ATP11A: variants seen among roughly 807,000 people sequenced by gnomAD.
ATP11A encodes ATPase phospholipid transporting 11A, also known as phospholipid-transporting ATPase IH.
ATP11A carries 81 observed loss-of-function variants against 154.4 expected under a neutral mutation model. That is an observed-to-expected ratio of 0.52 (90% CI 0.44 to 0.63). ATP11A has a LOEUF of 0.63. Among genes scored for constraint, ATP11A ranks in the 30% least tolerant of loss-of-function variants. The pLI is 0.00. For missense variants in ATP11A, 1,316 were observed against 1,474.3 expected (o/e 0.89, Z 1.76); for synonymous variants, 623 against 585.9 (o/e 1.06, Z -0.91).
At chr13:112,728,458 G>A (rs181037252) in intron 1 of ATP11A, among the ~76,000 whole-genome samples, 12 of 147,240 alleles carry the variant, frequency 8.1e-5, no homozygotes, top group East Asian at 8.1e-4. Flanking sequence ...TGGAGGGGCC[G>A]TGAGACCGTG....
intron 1 of ATP11A, among the ~76,000 whole-genome samples, chr13:112,759,462 C>G (rs761202004): frequency 2.0e-5 from 3 of 152,210 alleles, no homozygotes; most frequent in African/African-American, 7.2e-5. Flanking sequence ...AACAATAGCG[C>G]GTGGACACAT....
chr13:112,808,246 G>C (rs143020405), intron 4 of ATP11A, among the ~76,000 whole-genome samples: 35 of 152,106 alleles, frequency 2.3e-4, no homozygotes, highest in Middle Eastern at 3.4e-3. Context: ...CCCTGGCTGT[G>C]TCCCCTCCCA....
chr13:112,778,628 TGAGTAGCCGCTGGAGTGAG>T (rs1276351243), intron 1 of ATP11A, among the ~76,000 whole-genome samples: 9 of 99,246 alleles, frequency 9.1e-5, no homozygotes, highest in African/African-American at 2.6e-4. Context: ...GCCACTGGAG[TGAGTAGCCGCTGGAGTGAG>T]GAGTAGCCGC....
In ATP11A at chr13:112,876,013, G is replaced by C. The variant is rs2080713728; in HGVS notation, c.3327+72G>C. On this transcript the variant is annotated intron_variant, in intron 28 of 29. Transcript: ENST00000375645. ...CTTAGGATTGGGAGATGACCGTTTTGAAAGACAGTGTGAAAGGTTTGGATT... is the reference window on the plus strand; with the variant it reads ...CTTAGGATTGGGAGATGACCGTTTTCAAAGACAGTGTGAAAGGTTTGGATT... 2.0e-6 allele frequency: 3 copies of C among 1,514,762 alleles called. No individual in the cohort carries two copies. The Admixed American group carries it at 5.5e-5, about 28-fold the overall frequency. The allele number at this position is 1,514,762 out of a possible 1,614,324, so 93.8% of individuals were successfully genotyped here. A position where few individuals can be genotyped will look rare whatever the true frequency, so the allele number is the denominator to read the frequency against.
At chr13:112,791,520 G>C (rs1002208436) in intron 2 of ATP11A, among the ~76,000 whole-genome samples, 6 of 152,248 alleles carry the variant, frequency 3.9e-5, no homozygotes, top group Non-Finnish European at 8.8e-5. Flanking sequence ...CCTGGCAGGG[G>C]CTGGCGGGAA....
intron 6 of ATP11A, among the ~76,000 whole-genome samples, chr13:112,818,261 GGGCGATGACCGTTGGTGCGCTTGGTGACA>G (rs1476003690): frequency 3.2e-4 from 48 of 150,638 alleles, no homozygotes; most frequent in Middle Eastern, 3.4e-3. Context: ...CTTGGTGACG[GGGCGATGACCGTTGGTGCGCTTGGTGACA>G]GGCGATGACC....
chr13:112,736,173 A>G (rs1890986279), intron 1 of ATP11A, among the ~76,000 whole-genome samples: 1 of 152,244 alleles, frequency 6.6e-6, no homozygotes, highest in South Asian at 2.1e-4. Context: ...GCCCTGATCC[A>G]ACCACACTGT....
In ATP11A at chr13:112,748,197, T is replaced by C. The variant is rs370324838; in HGVS notation, c.40-36938T>C. On this transcript the variant is annotated intron_variant, in intron 1 of 29. Transcript: ENST00000375645. The stretch of plus-strand genomic sequence containing the variant: ...AATGTCCCAAAATCCAAAGCACATC[T>C]GGTCCCAAGCATTTTGGATAAGGGC... Among the ~76,000 whole-genome samples the C allele has an allele frequency of 2.6e-5, 4 of 152,226 alleles. No homozygotes were observed. In the South Asian group the frequency reaches 6.2e-4, roughly 24 times the overall value.
intron 17 of ATP11A, among the ~76,000 whole-genome samples, chr13:112,844,054 A>T (rs546442736): frequency 7.9e-5 from 12 of 152,180 alleles, no homozygotes; most frequent in Non-Finnish European, 1.3e-4. Flanking sequence ...GAGCCTCAGT[A>T]CAGGGGCGTG....
intron 1 of ATP11A, among the ~76,000 whole-genome samples, chr13:112,710,381 C>T (rs1487498047): frequency 2.0e-5 from 3 of 152,218 alleles, no homozygotes; most frequent in South Asian, 2.1e-4. Context: ...TGTTTCCCGA[C>T]AGGATGTGAC....
intron 4 of ATP11A, among the ~76,000 whole-genome samples, chr13:112,809,656 A>C (rs976461791): frequency 6.6e-6 from 1 of 152,018 alleles, no homozygotes; most frequent in Non-Finnish European, 1.5e-5. Flanking sequence ...CACTCATTAG[A>C]TGCGGTGGAC....
Position 112,833,003 on chromosome 13 carries a change from G to A in ATP11A, c.1539G>A (p.Ala513=), listed in dbSNP as rs774494260. ...VYISSSPDEV[A]LVEGVQRLGF... ...TCTCATCCTCGCCCGACGAGGTGGC[G>A]CTGGTCGAAGGTGTCCAGAGGTACG... Residue 513 remains alanine (A), a synonymous_variant, in exon 14 of 30, where the codon GCG becomes GCA. Transcript: ENST00000375645. 31 of 1,612,864 alleles carry A rather than the reference G, an allele frequency of 1.9e-5. No homozygotes were observed. Among genetic ancestry groups the A allele is most frequent in the African/African-American group, 8.0e-5 (6 of 74,902 alleles).
intron 1 of ATP11A, among the ~76,000 whole-genome samples, chr13:112,726,384 T>C (rs1889894232): frequency 2.0e-5 from 3 of 151,774 alleles, no homozygotes; most frequent in Admixed American, 6.6e-5. Flanking sequence ...AAACACAGTC[T>C]GCATGCAGGG....
intron 17 of ATP11A, among the ~76,000 whole-genome samples, chr13:112,846,601 T>G (rs1377010762): frequency 6.6e-6 from 1 of 152,144 alleles, no homozygotes; most frequent in East Asian, 1.9e-4. Flanking sequence ...TAAATCCTCC[T>G]CGCTAACTGC....
intron 29 of ATP11A, chr13:112,878,574 C>G: frequency 1.9e-6 from 1 of 534,144 alleles, no homozygotes; most frequent in Middle Eastern, 5.1e-4. Flanking sequence ...GGTTCAGACA[C>G]AGCTGACAGC....
Position 112,785,176 on chromosome 13 carries a change from C to T in ATP11A, c.81C>T (p.Tyr27=), listed in dbSNP as rs779282744. The change falls in exon 2 of 30, where the codon TAC becomes TAT. Residue 27 remains tyrosine (Y), a synonymous_variant. Coordinates refer to ENST00000375645, the MANE Select transcript of ATP11A (RefSeq NM_015205.3). This position sits in a 1 kb window ranked among gnomAD's most constrained non-coding sequence, Gnocchi z 4.8. ...EENWVDSRTI[Y]VGHREPPPGA... is the part of the protein sequence containing the mutation. ...ATTGGGTGGACAGCAGGACCATCTA[C>T]GTGGGACACAGGGAGCCACCTCCGG... 27 of 1,576,926 alleles carry T rather than the reference C, an allele frequency of 1.7e-5. No individual in the cohort carries two copies. Among genetic ancestry groups the T allele is most frequent in the South Asian group, 2.3e-5 (2 of 86,166 alleles).
intron 1 of ATP11A, among the ~76,000 whole-genome samples, chr13:112,773,389 G>C (rs757574683): frequency 5.9e-5 from 9 of 152,324 alleles, no homozygotes; most frequent in Admixed American, 2.0e-4. Context: ...GCCTCTCTCT[G>C]TATCGACCAA....
At chr13:112,751,900 G>A (rs1303399363) in intron 1 of ATP11A, among the ~76,000 whole-genome samples, 1 of 152,124 alleles carries the variant, frequency 6.6e-6, no homozygotes, top group Non-Finnish European at 1.5e-5. Flanking sequence ...TTTGTCTTTT[G>A]ACATTATGGT....
intron 1 of ATP11A, among the ~76,000 whole-genome samples, chr13:112,771,539 ACTC>A (rs1383813853): frequency 5.9e-5 from 9 of 151,570 alleles, no homozygotes; most frequent in Non-Finnish European, 1.3e-4. Context: ...TCTTAGGCAT[ACTC>A]CTTTGGAAAC....
Sources: gnomAD v4.1 joint callset for allele counts (sites outside exome capture counted in the v4.1 genomes callset) on GRCh38, gnomAD v4.1.1 for gene constraint, Gnocchi (gnomAD v3.1) non-coding constraint, MANE v1.5 for transcripts, NCBI Gene and HGNC (gene_info 2026-07-23, HGNC 2026-07-21) for gene names.